The following HNF4A variants were observed in gnomAD, a reference collection of about 807,000 sequenced individuals.
HNF4A encodes the protein hepatocyte nuclear factor 4 alpha.
A neutral mutation model predicts 52.4 loss-of-function variants in HNF4A; 15 were observed. The observed-to-expected ratio is 0.29, with a 90% CI of 0.19 to 0.44. The LOEUF (loss-of-function observed/expected upper bound fraction) is 0.44. Ranked by LOEUF, HNF4A falls within the 20% of genes least tolerant of loss-of-function variation. The probability of loss-of-function intolerance (pLI) is 1.00; values close to 1 mark genes in which losing one functional copy is unlikely to be tolerated. For synonymous variants in HNF4A, 280 were observed against 264.4 expected (o/e 1.06, Z -0.57); for missense variants, 479 against 647.2 (o/e 0.74, Z 2.82).
chr20:44,408,530 T>A (rs1194253001), intron 3 of HNF4A, among the ~76,000 whole-genome samples: 2 of 152,110 alleles, frequency 1.3e-5, no homozygotes, highest in South Asian at 2.1e-4. Flanking sequence ...TTCGAGACCA[T>A]CCTGACCAAC....
At chr20:44,370,322 C>T (rs1266029989) in intron 1 of HNF4A, among the ~76,000 whole-genome samples, 1 of 152,260 alleles carries the variant, frequency 6.6e-6, no homozygotes, top group Admixed American at 6.5e-5. Context: ...CCACAACGCC[C>T]AGCCACACTG....
intron 1 of HNF4A, among the ~76,000 whole-genome samples, chr20:44,404,946 GGGAAC>G (rs2063473286): frequency 1.1e-4 from 7 of 61,888 alleles, no homozygotes; most frequent in East Asian, 1.0e-3. Context: ...GTGCGTGTGT[GGGAAC>G]TGTGTGGTGT....
At position 44,410,775 on chromosome 20, in the gene HNF4A, G is replaced by A. The variant is rs1383748863; in HGVS notation, c.386-2919G>A. Among the ~76,000 whole-genome samples, 8 of 152,160 alleles carry A rather than the reference G, an allele frequency of 5.3e-5. No homozygotes were observed. In the East Asian group the frequency reaches 1.2e-3, roughly 22 times the overall value. On this transcript the variant is annotated intron_variant, in intron 3 of 9. Transcript: ENST00000316099. Reference sequence around the variant, plus strand: ...AGAGGTGATGTGACGGGTCAGGGGTGGAGTCAGGTCTAGAACTCAGGCTCC... The same window carrying A: ...AGAGGTGATGTGACGGGTCAGGGGTAGAGTCAGGTCTAGAACTCAGGCTCC...
Position 44,429,578 on chromosome 20 carries a change from T to C in HNF4A, c.1338T>C (p.Tyr446=). ...CAGGTGGCTCAGGGTCTGAGCCCTATAAGCTCCTGCCGGGAGCCGTCGCCA... is the reference window on the plus strand; with the variant it reads ...CAGGTGGCTCAGGGTCTGAGCCCTACAAGCTCCTGCCGGGAGCCGTCGCCA... The change falls in exon 10 of 10, where the codon TAT becomes TAC. Residue 446 remains tyrosine (Y), a synonymous_variant. Transcript: ENST00000316099. 6.2e-7 allele frequency: 1 copy of C among 1,613,948 alleles called. No homozygotes were observed. The highest frequency in any genetic ancestry group is 8.5e-7 in the Non-Finnish European group (1 of 1,179,976).
chr20:44,361,569 G>A (rs1056391666), intron 1 of HNF4A, among the ~76,000 whole-genome samples: 5 of 152,128 alleles, frequency 3.3e-5, no homozygotes, highest in African/African-American at 9.7e-5. Flanking sequence ...GCCAAGGTGG[G>A]TGGATCACCT....
At chr20:44,371,566 T>C (rs1197738408) in intron 1 of HNF4A, among the ~76,000 whole-genome samples, 3 of 152,190 alleles carry the variant, frequency 2.0e-5, no homozygotes, top group African/African-American at 7.2e-5. Context: ...GGCTCACACC[T>C]GTAATCCCAG....
At chr20:44,384,159 CTTTTTTTTTTT>C (rs371586705) in intron 1 of HNF4A, among the ~76,000 whole-genome samples, 2 of 125,556 alleles carry the variant, frequency 1.6e-5, no homozygotes, top group East Asian at 2.4e-4. Flanking sequence ...CCCCTGGCTC[CTTTTTTTTTTT>C]TTTTTTTTTT....
chr20:44,385,189 A>G (rs1475601108), intron 1 of HNF4A, among the ~76,000 whole-genome samples: 1 of 148,850 alleles, frequency 6.7e-6, no homozygotes, highest in Non-Finnish European at 1.5e-5. Flanking sequence ...ATTGGAAAGG[A>G]GAGGAATTCA....
chr20:44,370,364 A>T (rs2063021864), intron 1 of HNF4A, among the ~76,000 whole-genome samples: 1 of 152,130 alleles, frequency 6.6e-6, no homozygotes, highest in Admixed American at 6.6e-5. Flanking sequence ...CACGCCAAGC[A>T]CACTCCTGCC....
At chr20:44,415,567 T>C (rs3212197) in intron 5 of HNF4A, among the ~76,000 whole-genome samples, 144,389 of 152,236 alleles carry the variant, frequency 0.95, 68,558 homozygotes, top group East Asian at 1. Flanking sequence ...TGGGCCACCT[T>C]CTCAGCTTCG....
At chr20:44,386,591 G>A (rs2063227022) in intron 1 of HNF4A, among the ~76,000 whole-genome samples, 1 of 152,210 alleles carries the variant, frequency 6.6e-6, no homozygotes, top group Non-Finnish European at 1.5e-5. Context: ...TCTCAGTGGA[G>A]ATAATTTCAA....
intron 3 of HNF4A, chr20:44,407,995 G>GATAC: frequency 8.9e-6 from 2 of 225,142 alleles, no homozygotes; most frequent in South Asian, 1.5e-4. Flanking sequence ...TCTAGAAAAT[G>GATAC]GGAACAAGAC....
chr20:44,401,005 G>A (rs2063399761), upstream of HNF4A, among the ~76,000 whole-genome samples: 1 of 152,060 alleles, frequency 6.6e-6, no homozygotes, highest in Admixed American at 6.6e-5. Flanking sequence ...AGGGTCAAAT[G>A]AGTGCCCGTG....
intron 1 of HNF4A, among the ~76,000 whole-genome samples, chr20:44,388,384 C>G (rs1051769538): frequency 8.4e-6 from 1 of 119,538 alleles, no homozygotes; most frequent in Non-Finnish European, 1.7e-5. Context: ...CCCCCCCACC[C>G]CCGTACATTG....
At chr20:44,429,493 C>T (rs2063850669) in intron 9 of HNF4A, 30 bp from the exon 10 acceptor site, 1 of 1,613,934 alleles carries the variant, frequency 6.2e-7, no homozygotes, top group African/African-American at 1.3e-5. Flanking sequence ...GAATTTTGAG[C>T]AGCCCCTGTC....
At chr20:44,384,125 A>C in intron 1 of HNF4A, among the ~76,000 whole-genome samples, 1 of 144,752 alleles carries the variant, frequency 6.9e-6, no homozygotes, top group Admixed American at 7.0e-5. Context: ...TCCTGGGATT[A>C]CAGGTGTGAG....
chr20:44,386,982 C>T (rs962212677), intron 1 of HNF4A, among the ~76,000 whole-genome samples: 9 of 152,076 alleles, frequency 5.9e-5, no homozygotes, highest in African/African-American at 2.2e-4. Context: ...GTCATTCATC[C>T]AACAACTATC....
chr20:44,406,143 C>T lies in HNF4A; in HGVS notation c.201C>T (p.Ala67=), dbSNP rs736823. The T allele has an allele frequency of 0.051, 81,986 of 1,613,868 alleles. 2,492 individuals are homozygous for T. Among genetic ancestry groups the T allele is most frequent in the Non-Finnish European group, 0.062 (72,580 of 1,180,016 alleles). Residue 67 remains alanine, a synonymous_variant, in exon 2 of 10, where the codon GCC becomes GCT. Transcript: ENST00000316099. ...TGTGTGCCATCTGCGGGGACCGGGC[C>T]ACGGGCAAACACTACGGTGCCTCGA...
At chr20:44,378,422 C>T (rs1040073867) in intron 1 of HNF4A, among the ~76,000 whole-genome samples, 7 of 151,922 alleles carry the variant, frequency 4.6e-5, no homozygotes, top group South Asian at 2.1e-4. Context: ...CATGCACCGC[C>T]GCACCCAGCT....
Sources: allele counts gnomAD v4.1 joint callset (sites outside exome capture counted in the v4.1 genomes callset), GRCh38; gene constraint gnomAD v4.1.1; transcripts MANE v1.5; gene names NCBI Gene and HGNC (gene_info 2026-07-23, HGNC 2026-07-21).